The following BAHCC1 variants were observed in gnomAD, a reference collection of about 807,000 sequenced individuals.
The protein encoded by BAHCC1 is BAH domain and coiled-coil containing 1.
Under a neutral mutation model 88.2 loss-of-function variants are expected in BAHCC1, and 43 were observed. The ratio of observed to expected loss-of-function variants is 0.49; its 90% CI spans 0.38 to 0.63. BAHCC1 has a LOEUF of 0.63. BAHCC1 is among the 20% of genes least tolerant of loss of function. The pLI, the probability that BAHCC1 is intolerant of heterozygous loss-of-function variation, is 0.00. For synonymous variants in BAHCC1, 1,510 were observed against 745.5 expected, an observed-to-expected ratio of 2.03 and a Z score of -16.71; for missense variants, 3,023 against 1,654.8, an observed-to-expected ratio of 1.83 and a Z score of -14.34.
At chr17:81,419,596 G>A (rs1051639714) in intron 2 of BAHCC1, among the ~76,000 whole-genome samples, 1 of 152,092 alleles carries the variant, frequency 6.6e-6, no homozygotes. Flanking sequence ...AGCCAGTGCC[G>A]AGGGAAGAGG....
chr17:81,464,556 G>A lies in BAHCC1; in HGVS notation c.*739G>A, dbSNP rs1443585770. On this transcript the variant is annotated 3_prime_UTR_variant, in exon 28 of 28. Transcript: ENST00000675386. ...GAAAAGAAGTGTTGGAGCAGGGGGTGGTGATGAGGGGCCCGTGGGGAAAGG... is the reference window on the plus strand; with the variant it reads ...GAAAAGAAGTGTTGGAGCAGGGGGTAGTGATGAGGGGCCCGTGGGGAAAGG... 1 of 152,888 alleles carries A rather than the reference G, an allele frequency of 6.5e-6. No homozygotes were observed. The highest frequency in any genetic ancestry group is 2.4e-5 in the African/African-American group (1 of 41,436). The allele number at this position is 152,888 out of a possible 1,614,324, so 9.5% of individuals were successfully genotyped here.
intron 4 of BAHCC1, among the ~76,000 whole-genome samples, chr17:81,439,687 C>T (rs1462911345): frequency 6.6e-6 from 1 of 151,372 alleles, no homozygotes; most frequent in East Asian, 2.0e-4. Context: ...GGAGCCCTGG[C>T]GTTTAGGGCT....
At chr17:81,410,054 C>T (rs1555647567) in intron 2 of BAHCC1, 2 of 355,648 alleles carry the variant, frequency 5.6e-6, no homozygotes, top group Non-Finnish European at 1.2e-5. Context: ...GGCCTCCTAC[C>T]TCTAAAATGG....
intron 14 of BAHCC1, among the ~76,000 whole-genome samples, chr17:81,454,172 T>C (rs1278621376): frequency 6.6e-6 from 1 of 152,182 alleles, no homozygotes; most frequent in Non-Finnish European, 1.5e-5. Flanking sequence ...CCTTGGCTTC[T>C]CCATGTGAAA....
In BAHCC1 at chr17:81,411,166, GTC is replaced by G. The variant is rs782510405; in HGVS notation, c.178+11253_178+11254del. On this transcript the variant is annotated intron_variant, in intron 2 of 27. Transcript: ENST00000675386. This position sits in a 1 kb window ranked among gnomAD's most constrained non-coding sequence, Gnocchi z 6.2. ...ACGTGCCTGCAGGTGCCTGTGTCCT[GTC>G]TCTGCCCCAGGCTGAGGCCGAGGGT... The G allele has an allele frequency of 9.6e-6, 5 of 518,790 alleles. No homozygotes were observed. The highest frequency in any genetic ancestry group is 7.8e-5 in the Admixed American group (4 of 51,572). The allele number at this position is 518,790 out of a possible 1,614,324, so 32.1% of individuals were successfully genotyped here.
intron 11 of BAHCC1, among the ~76,000 whole-genome samples, chr17:81,450,502 T>C (rs7503071): frequency 0.77 from 116,575 of 152,132 alleles, 45,038 homozygotes; most frequent in Middle Eastern, 0.81. Context: ...GTAGCTCCCC[T>C]GTCCCTGCCC....
Position 81,445,531 on chromosome 17 carries a change from TC to T in BAHCC1, c.3018del (p.Thr1007ProfsTer12). 2.8e-6 allele frequency: 2 copies of T among 721,954 alleles called. No individual in the cohort carries two copies. Among genetic ancestry groups the T allele is most frequent in the Non-Finnish European group, 5.1e-6 (2 of 390,648 alleles). 44.7% of individuals were successfully genotyped at this position (721,954 alleles called of 1,614,324 possible). A position where few individuals can be genotyped will look rare whatever the true frequency, so the allele number is the denominator to read the frequency against. ...HPPDPKPPAS[S>X]PTPPPRPSAP... ...GCCCGACCCAAAGCCCCCCGCCAGCTCCCCCACCCCACCACCTCGGCCCAGC... is the reference window on the plus strand; with the variant it reads ...GCCCGACCCAAAGCCCCCCGCCAGCTCCCCACCCCACCACCTCGGCCCAGC... On this transcript the variant is annotated frameshift_variant, in exon 10 of 28. Coordinates refer to ENST00000675386, the MANE Select transcript of BAHCC1 (RefSeq NM_001377448.1). LOFTEE classifies it high-confidence loss of function.
In BAHCC1 at chr17:81,466,294, ACTTG is replaced by A. The variant is rs1223513584; in HGVS notation, c.*2481_*2484del. The A allele has an allele frequency of 6.6e-6, 1 of 152,576 alleles. No individual in the cohort carries two copies. The highest frequency in any genetic ancestry group is 1.9e-4 in the East Asian group (1 of 5,192). 9.5% of individuals were successfully genotyped at this position (152,576 alleles called of 1,614,324 possible). On this transcript the variant is annotated 3_prime_UTR_variant, in exon 28 of 28. Transcript: ENST00000675386. ...TTTAGTATCAAATTTTTTATTGATA[ACTTG>A]CTTAAGAATAAATATATGGACTATT...
rs782430717 is a variant in BAHCC1, at chr17:81,441,868, G to A, written c.519G>A (p.Thr173=). ...FYLRNLPPQP[T]LLPANHNFPS... The stretch of plus-strand genomic sequence containing the variant: ...TGCGCAACCTGCCGCCCCAGCCCAC[G>A]CTGCTGCCGGCCAACCACAACTTCC... Residue 173 remains threonine (T), a synonymous_variant, in exon 5 of 28, where the codon ACG becomes ACA. Coordinates refer to ENST00000675386, the MANE Select transcript of BAHCC1 (RefSeq NM_001377448.1). 4.7e-5 allele frequency: 31 copies of A among 664,448 alleles called. 1 individual carries two copies. Among genetic ancestry groups the A allele is most frequent in the South Asian group, 1.7e-4 (10 of 57,964 alleles). 41.2% of individuals were successfully genotyped at this position (664,448 alleles called of 1,614,324 possible).
intron 3 of BAHCC1, among the ~76,000 whole-genome samples, chr17:81,428,010 T>G (rs2064220423): frequency 1.3e-5 from 2 of 152,200 alleles, no homozygotes; most frequent in Non-Finnish European, 2.9e-5. Flanking sequence ...GTTGCTGAAA[T>G]AATCTGGGCT....
chr17:81,429,392 C>CG (rs1397114156), intron 3 of BAHCC1, among the ~76,000 whole-genome samples: 1 of 152,200 alleles, frequency 6.6e-6, no homozygotes, highest in African/African-American at 2.4e-5. Context: ...CCCCTCCCTG[C>CG]GGGGGTTCCC....
Position 81,444,396 on chromosome 17 carries a change from C to G in BAHCC1, c.2340C>G (p.Arg780=). 1.3e-6 allele frequency: 1 copy of G among 744,042 alleles called. No individual in the cohort carries two copies. The highest frequency in any genetic ancestry group is 2.5e-6 in the Non-Finnish European group (1 of 401,538). The allele number at this position is 744,042 out of a possible 1,614,324, so 46.1% of individuals were successfully genotyped here. Residue 780 remains arginine, a synonymous_variant, in exon 7 of 28, where the codon CGC becomes CGG. Coordinates refer to ENST00000675386, the MANE Select transcript of BAHCC1 (RefSeq NM_001377448.1). ...RELLLQDSKD[R]VEFARIHPPS... is the part of the protein sequence containing the mutation. ...GGTCTTACAGGGACAGCAAAGACCG[C>G]GTAGAGTTCGCCCGGATCCACCCAC...
chr17:81,438,839 G>C (rs1414310510), intron 4 of BAHCC1, among the ~76,000 whole-genome samples: 1 of 152,032 alleles, frequency 6.6e-6, no homozygotes, highest in Non-Finnish European at 1.5e-5. Flanking sequence ...GCAGCCCGGG[G>C]ATGGTGGGGT....
At chr17:81,444,027 C>T (rs1312154823) in intron 6 of BAHCC1, 110 bp downstream of exon 6, 1 of 653,660 alleles carries the variant, frequency 1.5e-6, no homozygotes, top group Non-Finnish European at 2.8e-6. Context: ...GCAGCAGATT[C>T]TATGGCCGGC....
At chr17:81,410,067 A>T in intron 2 of BAHCC1, 1 of 373,990 alleles carries the variant, frequency 2.7e-6, no homozygotes, top group Non-Finnish European at 5.6e-6. Flanking sequence ...TAAAATGGGC[A>T]GTTGCCCTGC....
chr17:81,399,227 C>T lies in BAHCC1; in HGVS notation c.-206-307C>T, dbSNP rs1254733031. The T allele has an allele frequency of 4.7e-6, 2 of 422,978 alleles. No homozygotes were observed. Among genetic ancestry groups the T allele is most frequent in the Non-Finnish European group, 9.5e-6 (2 of 211,304 alleles). The allele number at this position is 422,978 out of a possible 1,614,324, so 26.2% of individuals were successfully genotyped here. The stretch of plus-strand genomic sequence containing the variant: ...AGCCAGCAGCCTCTTCGCCGCGGCG[C>T]CCTAGCTGCAGGGACCCGCGGGGAC... On this transcript the variant is annotated intron_variant, in intron 1 of 27. Coordinates refer to ENST00000675386, the MANE Select transcript of BAHCC1 (RefSeq NM_001377448.1). The surrounding 1 kb of genome is among the most constrained non-coding windows in gnomAD (Gnocchi z 4.5).
At chr17:81,425,513 T>C (rs570606964) in intron 2 of BAHCC1, among the ~76,000 whole-genome samples, 7 of 111,620 alleles carry the variant, frequency 6.3e-5, no homozygotes, top group Admixed American at 2.0e-4. Flanking sequence ...TTGGGGGTGA[T>C]AGTGGTGGGT....
At chr17:81,431,077 G>A (rs2064255750) in intron 3 of BAHCC1, among the ~76,000 whole-genome samples, 1 of 147,846 alleles carries the variant, frequency 6.8e-6, no homozygotes. Context: ...AGGGGACAGC[G>A]TGGGGATCCC....
intron 2 of BAHCC1, among the ~76,000 whole-genome samples, chr17:81,404,060 A>C (rs1017707536): frequency 6.6e-6 from 1 of 152,168 alleles, no homozygotes; most frequent in Admixed American, 6.5e-5. Context: ...CGTCCCCCCA[A>C]ACGTTCCCCG....
Sources: allele counts gnomAD v4.1 joint callset (sites outside exome capture counted in the v4.1 genomes callset), GRCh38; gene constraint gnomAD v4.1.1; non-coding constraint Gnocchi (gnomAD v3.1); transcripts MANE v1.5; gene names NCBI Gene and HGNC (gene_info 2026-07-23, HGNC 2026-07-21).